The following TOLLIP variants were observed in gnomAD, a reference collection of about 807,000 sequenced individuals.
TOLLIP encodes toll interacting protein.
A neutral mutation model predicts 33.5 loss-of-function variants in TOLLIP; 16 were observed. The observed-to-expected ratio is 0.48, with a 90% CI of 0.32 to 0.72. The LOEUF (loss-of-function observed/expected upper bound fraction) is 0.72. Ranked by LOEUF, TOLLIP falls within the 30% of genes least tolerant of loss-of-function variation. TOLLIP has a pLI of 0.03. For synonymous variants in TOLLIP, 176 were observed against 163.7 expected, an observed-to-expected ratio of 1.07 and a Z score of -0.57; for missense variants, 325 against 396.6, an observed-to-expected ratio of 0.82 and a Z score of 1.53.
In TOLLIP at chr11:1,287,871, GCCTCCCTGCTGCAC is replaced by G. The variant is rs1263879550; in HGVS notation, c.519+739_519+752del. Among the ~76,000 whole-genome samples, 15 of 27,428 alleles carry G rather than the reference GCCTCCCTGCTGCAC, an allele frequency of 5.5e-4. 1 individual carries two copies. Among genetic ancestry groups the G allele is most frequent in the African/African-American group, 2.0e-3 (8 of 4,004 alleles). 18.0% of individuals were successfully genotyped at this position (27,428 alleles called of 152,430 possible). On this transcript the variant is annotated intron_variant, in intron 4 of 5. Transcript: ENST00000317204. ...TCCCTGCCGCACCCTCTCTGCTGCA[GCCTCCCTGCTGCAC>G]CCTCCCTGCTGCACCCTCTCTGCTG...
At chr11:1,287,423 C>CCCTCCCCGCCGCAGCCTCCCCGCCGCAG (rs1554945256) in intron 4 of TOLLIP, among the ~76,000 whole-genome samples, 6 of 46,838 alleles carry the variant, frequency 1.3e-4, no homozygotes, top group Non-Finnish European at 2.1e-4. Flanking sequence ...CCCCGCCGCA[C>CCCTCCCCGCCGCAGCCTCCCCGCCGCAG]CCTCCCCGCC....
At chr11:1,288,300 G>A (rs1863813516) in intron 4 of TOLLIP, among the ~76,000 whole-genome samples, 1 of 152,236 alleles carries the variant, frequency 6.6e-6, no homozygotes, top group Non-Finnish European at 1.5e-5. Flanking sequence ...TAAGGGCAGA[G>A]CTTGGAAGGG....
At chr11:1,280,514 G>A (rs1022256811) in intron 5 of TOLLIP, among the ~76,000 whole-genome samples, 3 of 152,086 alleles carry the variant, frequency 2.0e-5, no homozygotes, top group African/African-American at 7.2e-5. Context: ...GGACGTGGGG[G>A]CAGCAGAGAA....
intron 4 of TOLLIP, among the ~76,000 whole-genome samples, chr11:1,286,409 G>A (rs1863696240): frequency 6.6e-6 from 1 of 152,060 alleles, no homozygotes; most frequent in Admixed American, 6.5e-5. Context: ...GGCCTGGGGG[G>A]AACCACACTG....
rs773801820 is a variant in TOLLIP at position 1,295,754 on chromosome 11, G to C, written c.74C>G (p.Thr25Arg). 6.2e-7 allele frequency: 1 copy of C among 1,602,148 alleles called. No individual in the cohort carries two copies. The highest frequency in any genetic ancestry group is 2.3e-5 in the East Asian group (1 of 44,216). Residue 25 changes from threonine (T) to arginine (R), a missense_variant, in exon 2 of 6, where the codon ACG (threonine) becomes AGG (arginine). Coordinates refer to ENST00000317204, the MANE Select transcript of TOLLIP (RefSeq NM_019009.4). ...GACCTGCCGCTGCTGCTGTGTGGGC[G>C]TGATGCGGAGGAAGTCCTGCGGGAG... ...GELPQDFLRI[T>R]PTQQQRQVQL... is the part of the protein sequence containing the mutation.
rs374889536 is a variant in TOLLIP at position 1,276,299 on chromosome 11, G to A, written c.*740C>T. The A allele has an allele frequency of 1.3e-5, 3 of 222,552 alleles. No individual in the cohort carries two copies. The highest frequency in any genetic ancestry group is 2.3e-5 in the African/African-American group (1 of 43,302). 13.8% of individuals were successfully genotyped at this position (222,552 alleles called of 1,614,324 possible). A position where few individuals can be genotyped will look rare whatever the true frequency, so the allele number is the denominator to read the frequency against. On this transcript the variant is annotated 3_prime_UTR_variant, in exon 6 of 6. Transcript: ENST00000317204. Reference sequence around the variant, plus strand: ...CTGGCACGAGCGCAGCAGGAGAGACGGACGGCAGCCTCCGGCGGGCGAAGG... The same window carrying A: ...CTGGCACGAGCGCAGCAGGAGAGACAGACGGCAGCCTCCGGCGGGCGAAGG...
At chr11:1,280,507 C>T (rs1192476659) in intron 5 of TOLLIP, among the ~76,000 whole-genome samples, 3 of 151,884 alleles carry the variant, frequency 2.0e-5, no homozygotes, top group South Asian at 2.1e-4. Context: ...CCGGTGAGGA[C>T]GTGGGGGCAG....
At position 1,288,728 on chromosome 11, in the gene TOLLIP, G is replaced by A. The variant is rs1863831715; in HGVS notation, c.415C>T (p.Pro139Ser). Residue 139 changes from proline to serine, a missense_variant, in exon 4 of 6, where the codon CCG (proline) becomes TCG (serine). Physicochemically the swap from Pro to Ser is moderately conservative, Grantham distance 74. Transcript: ENST00000317204. ...ACCTTGCCCTGCCTCAGGGACTCCG[G>A]GATGGTGATGTGGGTCCAGGCAATG... ...DRIAWTHITI[P>S]ESLRQGKVED... 4 of 1,612,900 alleles carry A rather than the reference G, an allele frequency of 2.5e-6. No homozygotes were observed. The highest frequency in any genetic ancestry group is 4.5e-5 in the East Asian group (2 of 44,878).
At chr11:1,308,592 T>C in intron 1 of TOLLIP, among the ~76,000 whole-genome samples, 1 of 152,266 alleles carries the variant, frequency 6.6e-6, no homozygotes, top group Admixed American at 6.5e-5. Flanking sequence ...CCAGCTCTCC[T>C]GCAATATTAA....
rs1290723180 is a variant in TOLLIP, at chr11:1,277,204, CG to C, written c.659del (p.Pro220ArgfsTer4). ...SPGMVPVALP[P>X]AAVNAQPRCS... is the part of the protein sequence containing the mutation. Reference sequence around the variant, plus strand: ...AGCGGGGCTGGGCGTTCACGGCGGCCGGGGGCAGGGCCACGGGCACCATGCC... The same window carrying C: ...AGCGGGGCTGGGCGTTCACGGCGGCCGGGGCAGGGCCACGGGCACCATGCC... On this transcript the variant is annotated frameshift_variant, in exon 6 of 6. Coordinates refer to ENST00000317204, the MANE Select transcript of TOLLIP (RefSeq NM_019009.4). LOFTEE classifies it high-confidence loss of function. This position sits in a 1 kb window ranked among gnomAD's most constrained non-coding sequence, Gnocchi z 4.2. 1.9e-6 allele frequency: 3 copies of C among 1,596,326 alleles called. No homozygotes were observed. The highest frequency in any genetic ancestry group is 2.6e-6 in the Non-Finnish European group (3 of 1,166,988).
At position 1,277,353 on chromosome 11, in the gene TOLLIP, C is replaced by T; in HGVS notation, c.611-100G>A. ...GAAAACAACGCATCCCACCGGCCTC[C>T]CTGAGGAAGGGGCCACCTCGGGTCT... On this transcript the variant is annotated intron_variant, in intron 5 of 5. Coordinates refer to ENST00000317204, the MANE Select transcript of TOLLIP (RefSeq NM_019009.4). This position sits in a 1 kb window ranked among gnomAD's most constrained non-coding sequence, Gnocchi z 4.2. 2 of 1,028,136 alleles carry T rather than the reference C, an allele frequency of 1.9e-6. No individual in the cohort carries two copies. Among genetic ancestry groups the T allele is most frequent in the Non-Finnish European group, 1.4e-6 (1 of 732,940 alleles). 63.7% of individuals were successfully genotyped at this position (1,028,136 alleles called of 1,614,324 possible).
chr11:1,289,342 C>A (rs1310233084), intron 3 of TOLLIP, among the ~76,000 whole-genome samples: 1 of 152,224 alleles, frequency 6.6e-6, no homozygotes, highest in African/African-American at 2.4e-5. Flanking sequence ...GGCTGCCCCA[C>A]ACTGCTCCCC....
intron 4 of TOLLIP, among the ~76,000 whole-genome samples, chr11:1,286,416 A>G (rs1314951056): frequency 1.3e-5 from 2 of 152,176 alleles, no homozygotes; most frequent in Admixed American, 1.3e-4. Context: ...GGGGAACCAC[A>G]CTGCACTGCT....
intron 2 of TOLLIP, 137 bp downstream of exon 2, chr11:1,295,508 C>T (rs1487676411): frequency 3.5e-6 from 4 of 1,158,904 alleles, no homozygotes; most frequent in African/African-American, 1.5e-5. Context: ...TTCAACATCA[C>T]ACAGGTTTCA....
chr11:1,302,477 C>T (rs1406586520), intron 1 of TOLLIP: 3 of 765,638 alleles, frequency 3.9e-6, no homozygotes, highest in Admixed American at 6.2e-5. Flanking sequence ...TTAGCATTTT[C>T]CAAAATAAGG....
At chr11:1,300,761 C>G (rs569625665) in intron 1 of TOLLIP, among the ~76,000 whole-genome samples, 9 of 152,360 alleles carry the variant, frequency 5.9e-5, no homozygotes, top group Non-Finnish European at 1.0e-4. Context: ...GGCCTCACGC[C>G]TGCCAGGAGA....
chr11:1,300,639 C>T (rs5743912), intron 1 of TOLLIP, among the ~76,000 whole-genome samples: 4,776 of 152,246 alleles, frequency 0.031, 258 homozygotes, highest in African/African-American at 0.11. Flanking sequence ...GTTAGGAATA[C>T]GTTTCCGACT....
Position 1,290,297 on chromosome 11 carries a change from C to G in TOLLIP, c.296G>C (p.Arg99Pro). The G allele has an allele frequency of 6.2e-7, 1 of 1,613,632 alleles. No individual in the cohort carries two copies. Among genetic ancestry groups the G allele is most frequent in the Non-Finnish European group, 8.5e-7 (1 of 1,179,970 alleles). ...CGTGCAGTGGATGACCTTATTCCAG[C>G]GGGGATTCTTGGCGCCATTGTGTGC... ...PTAHNGAKNP[R>P]WNKVIHCTVP... is the part of the protein sequence containing the mutation. Residue 99 changes from arginine (R) to proline (P), a missense_variant, in exon 3 of 6, where the codon CGC becomes CCC. By Grantham distance (103) the Arg-to-Pro change is moderately radical (BLOSUM62 -2). Coordinates refer to ENST00000317204, the MANE Select transcript of TOLLIP (RefSeq NM_019009.4). The surrounding 1 kb of genome is among the most constrained non-coding windows in gnomAD (Gnocchi z 4.9).
At position 1,276,013 on chromosome 11, in the gene TOLLIP, T is replaced by A. The variant is rs1863288397; in HGVS notation, c.*1026A>T. 1 of 152,228 alleles carries A rather than the reference T, an allele frequency of 6.6e-6. No individual in the cohort carries two copies. 9.4% of individuals were successfully genotyped at this position (152,228 alleles called of 1,614,324 possible). On this transcript the variant is annotated 3_prime_UTR_variant, in exon 6 of 6. Transcript: ENST00000317204. ...CTAAAATCTGTCCTGTAGGCCAAGA[T>A]GCTACACGCAGCGCCCAGGCAGTCA...
Sources: gnomAD v4.1 joint callset for allele counts (sites outside exome capture counted in the v4.1 genomes callset) on GRCh38, gnomAD v4.1.1 for gene constraint, Gnocchi (gnomAD v3.1) non-coding constraint, MANE v1.5 for transcripts, NCBI Gene and HGNC (gene_info 2026-07-23, HGNC 2026-07-21) for gene names.